Variants in TBC1D9 observed in about 807,000 individuals in gnomAD.
The protein encoded by TBC1D9 is TBC1 domain family member 9A.
A neutral mutation model predicts 132.0 loss-of-function variants in TBC1D9; 63 were observed. That is an observed-to-expected ratio of 0.48 (90% CI 0.39 to 0.59). TBC1D9 has a LOEUF of 0.59. TBC1D9 is among the 20% of genes least tolerant of loss of function. The pLI is 0.00. For missense variants in TBC1D9, 1,261 were observed against 1,592.7 expected (o/e 0.79, Z 3.54); for synonymous variants, 610 against 609.9 (o/e 1.00, Z 0.00).
At chr4:140,688,369 T>C (rs1440203778) in intron 2 of TBC1D9, among the ~76,000 whole-genome samples, 1 of 152,088 alleles carries the variant, frequency 6.6e-6, no homozygotes, top group African/African-American at 2.4e-5. Flanking sequence ...TGAGATCAGT[T>C]AAAAACACAA....
chr4:140,707,085 A>C (rs1738160737), intron 1 of TBC1D9, among the ~76,000 whole-genome samples: 1 of 151,924 alleles, frequency 6.6e-6, no homozygotes, highest in African/African-American at 2.4e-5. Context: ...AAGTGTGAGA[A>C]TACCTGTTTC....
intron 18 of TBC1D9, among the ~76,000 whole-genome samples, chr4:140,627,122 T>C (rs996729657): frequency 6.6e-6 from 1 of 152,232 alleles, no homozygotes; most frequent in East Asian, 1.9e-4. Flanking sequence ...AAATGCTAGT[T>C]CCAATTCTGG....
intron 13 of TBC1D9, among the ~76,000 whole-genome samples, chr4:140,650,939 C>A (rs1183574677): frequency 6.6e-6 from 1 of 152,174 alleles, no homozygotes; most frequent in African/African-American, 2.4e-5. Flanking sequence ...TTCATAGCCA[C>A]ATGTAGCAAG....
chr4:140,675,252 T>C (rs1737605927), intron 6 of TBC1D9, among the ~76,000 whole-genome samples: 1 of 151,672 alleles, frequency 6.6e-6, no homozygotes, highest in Admixed American at 6.6e-5. Flanking sequence ...AATTCTGGGA[T>C]AAAGATATAT....
intron 20 of TBC1D9, 79 bp downstream of exon 20, chr4:140,624,036 TA>T: frequency 1.7e-6 from 2 of 1,152,484 alleles, no homozygotes; most frequent in Non-Finnish European, 2.5e-6. Context: ...GTATTGAGTC[TA>T]CATTTATCGA....
At chr4:140,681,263 T>C (rs2111020006) in intron 3 of TBC1D9, among the ~76,000 whole-genome samples, 1 of 152,328 alleles carries the variant, frequency 6.6e-6, no homozygotes, top group Non-Finnish European at 1.5e-5. Flanking sequence ...TTCTGTTTCG[T>C]GAATCCTACC....
intron 1 of TBC1D9, among the ~76,000 whole-genome samples, chr4:140,718,746 C>T (rs1306652354): frequency 2.0e-5 from 3 of 152,080 alleles, no homozygotes; most frequent in African/African-American, 7.2e-5. Flanking sequence ...TAAGAATGTC[C>T]CTAATATTCC....
At chr4:140,647,981 T>C (rs1737128135) in intron 13 of TBC1D9, among the ~76,000 whole-genome samples, 1 of 152,056 alleles carries the variant, frequency 6.6e-6, no homozygotes, top group South Asian at 2.1e-4. Context: ...ATGCTAAAAA[T>C]AGGACAAACA....
At chr4:140,647,766 G>C (rs1737124231) in intron 13 of TBC1D9, among the ~76,000 whole-genome samples, 1 of 152,204 alleles carries the variant, frequency 6.6e-6, no homozygotes, top group Non-Finnish European at 1.5e-5. Flanking sequence ...CAACTTGCCA[G>C]AGACAGAACA....
chr4:140,735,252 C>T (rs1156793158), intron 1 of TBC1D9, among the ~76,000 whole-genome samples: 1 of 152,128 alleles, frequency 6.6e-6, no homozygotes, highest in East Asian at 1.9e-4. Flanking sequence ...ATTGCCCACT[C>T]TGCATAACCA....
chr4:140,726,976 A>G (rs1738511937), intron 1 of TBC1D9, among the ~76,000 whole-genome samples: 1 of 152,196 alleles, frequency 6.6e-6, no homozygotes, highest in South Asian at 2.1e-4. Context: ...CCAAGTGCCA[A>G]CTCAAACACT....
chr4:140,647,894 T>G (rs1172763770), intron 13 of TBC1D9, among the ~76,000 whole-genome samples: 1 of 151,952 alleles, frequency 6.6e-6, no homozygotes, highest in Non-Finnish European at 1.5e-5. Context: ...TAGAATGACA[T>G]GGGGGTCTCT....
chr4:140,669,752 C>A lies in TBC1D9; in HGVS notation c.1319G>T (p.Ser440Ile), dbSNP rs745690954. 5.0e-6 allele frequency: 8 copies of A among 1,613,978 alleles called. No homozygotes were observed. Among genetic ancestry groups the A allele is most frequent in the Non-Finnish European group, 6.8e-6 (8 of 1,179,882 alleles). The part of the protein sequence containing the change: ...LVSSSPQRST[S>I]SDADGERQFN... ...CTGGCGCTCTCCATCAGCATCAGAG[C>A]TCGTGCTTCTCTGGGGGCTGGAGGA... The change falls in exon 8 of 21, where the codon AGC becomes ATC. Residue 440 changes from serine (S) to isoleucine (I), a missense_variant. This residue lies in a region of TBC1D9 where 550 missense variants were observed against 699.0 expected (regional missense o/e 0.79). Coordinates refer to ENST00000442267, the MANE Select transcript of TBC1D9 (RefSeq NM_015130.3).
intron 3 of TBC1D9, among the ~76,000 whole-genome samples, chr4:140,686,066 T>C (rs1166435940): frequency 6.6e-6 from 1 of 152,190 alleles, no homozygotes; most frequent in African/African-American, 2.4e-5. Flanking sequence ...TTCCACATTC[T>C]GTGATGTAAA....
chr4:140,713,920 CATT>C (rs1166947277), intron 1 of TBC1D9, among the ~76,000 whole-genome samples: 1 of 152,074 alleles, frequency 6.6e-6, no homozygotes, highest in East Asian at 1.9e-4. Flanking sequence ...ATCAATGAAA[CATT>C]AAAGATCCTA....
At chr4:140,745,624 G>A (rs926074154) in intron 1 of TBC1D9, among the ~76,000 whole-genome samples, 2 of 152,138 alleles carry the variant, frequency 1.3e-5, no homozygotes, top group Non-Finnish European at 2.9e-5. Flanking sequence ...TAATAAGACT[G>A]CAGTATATAA....
intron 18 of TBC1D9, among the ~76,000 whole-genome samples, chr4:140,625,630 T>A (rs1380855209): frequency 6.6e-6 from 1 of 152,230 alleles, no homozygotes; most frequent in Non-Finnish European, 1.5e-5. Flanking sequence ...TTGAAAATGA[T>A]GTAGGCAACA....
chr4:140,643,311 C>A, intron 13 of TBC1D9: 1 of 1,319,610 alleles, frequency 7.6e-7, no homozygotes, highest in East Asian at 2.5e-5. Context: ...CAAGACAAGG[C>A]TCTCGGCAGC....
chr4:140,644,682 C>T (rs143528762), intron 13 of TBC1D9: 28 of 421,420 alleles, frequency 6.6e-5, no homozygotes, highest in Admixed American at 2.8e-4. Flanking sequence ...GCTGCAGGTA[C>T]AGGAACTCCT....
Sources: gnomAD v4.1 joint callset for allele counts (sites outside exome capture counted in the v4.1 genomes callset) on GRCh38, gnomAD v4.1.1 for gene constraint, gnomAD v4.1.1 regional missense constraint, MANE v1.5 for transcripts, NCBI Gene and HGNC (gene_info 2026-07-23, HGNC 2026-07-21) for gene names.